The following JAK1 variants were observed in gnomAD, a reference collection of about 807,000 sequenced individuals.
JAK1 encodes Janus kinase 1.
A neutral mutation model predicts 136.6 loss-of-function variants in JAK1; 16 were observed. The ratio of observed to expected loss-of-function variants is 0.12; its 90% CI spans 0.08 to 0.18. The LOEUF (loss-of-function observed/expected upper bound fraction) is 0.18. Among genes scored for constraint, JAK1 ranks in the 10% least tolerant of loss-of-function variants. The pLI is 1.00. For missense variants in JAK1, 859 were observed against 1,450.1 expected (o/e 0.59, Z 6.62); for synonymous variants, 492 against 519.5 (o/e 0.95, Z 0.72).
chr1:64,911,696 T>C (rs1239910665), intron 1 of JAK1, among the ~76,000 whole-genome samples: 2 of 152,226 alleles, frequency 1.3e-5, no homozygotes, highest in Non-Finnish European at 2.9e-5. Context: ...AAGTTCTTTC[T>C]CCTTTCCAGT....
chr1:65,054,630 G>A (rs543008558), intron 1 of JAK1, among the ~76,000 whole-genome samples: 3 of 152,260 alleles, frequency 2.0e-5, no homozygotes, highest in East Asian at 1.9e-4. Flanking sequence ...CTCCAAAGAC[G>A]TGGGCAGTTG....
intron 1 of JAK1, among the ~76,000 whole-genome samples, chr1:64,965,076 G>T (rs948327792): frequency 1.3e-5 from 2 of 152,118 alleles, no homozygotes; most frequent in African/African-American, 4.8e-5. Flanking sequence ...AAAATCTACT[G>T]TGCCTATACC....
chr1:64,836,279 G>T (rs1219835076), intron 22 of JAK1, 64 bp from the exon 23 acceptor site: 1 of 909,980 alleles, frequency 1.1e-6, no homozygotes, highest in Non-Finnish European at 1.8e-6. Flanking sequence ...GACATTACAG[G>T]ATAACTGAAA....
intron 2 of JAK1, among the ~76,000 whole-genome samples, chr1:64,996,420 T>C (rs1286742301): frequency 6.6e-6 from 1 of 152,228 alleles, no homozygotes; most frequent in Non-Finnish European, 1.5e-5. Flanking sequence ...TTCCCCATAT[T>C]ATAGATACAG....
chr1:64,846,577 G>T, intron 14 of JAK1, 72 bp downstream of exon 14: 1 of 1,107,508 alleles, frequency 9.0e-7, no homozygotes, highest in Non-Finnish European at 1.4e-6. Flanking sequence ...GGTGGGAAGA[G>T]CCTCCACCAT....
rs543491678 is a variant in JAK1 at position 64,907,505 on chromosome 1, C to G, written c.-77-21164G>C. On this transcript the variant is annotated intron_variant, in intron 1 of 24. Transcript: ENST00000342505. ...TACAAATAAGATATGTTTGGACACA[C>G]AGCGGGGAACATCACACACTGGGGC... Among the ~76,000 whole-genome samples the G allele has an allele frequency of 2.6e-5, 4 of 152,178 alleles. No individual in the cohort carries two copies. In the East Asian group the frequency reaches 7.7e-4, roughly 29 times the overall value.
intron 1 of JAK1, among the ~76,000 whole-genome samples, chr1:64,919,645 T>G (rs1032849681): frequency 2.0e-5 from 3 of 152,212 alleles, no homozygotes; most frequent in African/African-American, 7.2e-5. Context: ...TGTAAAAGTG[T>G]TCCTATTTCT....
intron 4 of JAK1, chr1:64,876,129 T>C (rs912214911): frequency 6.6e-6 from 1 of 152,108 alleles, no homozygotes; most frequent in African/African-American, 2.4e-5. Flanking sequence ...GAAGAATCTC[T>C]GATGAGGTGC....
At chr1:64,981,272 A>G (rs1646542774) in intron 2 of JAK1, among the ~76,000 whole-genome samples, 1 of 152,230 alleles carries the variant, frequency 6.6e-6, no homozygotes, top group Non-Finnish European at 1.5e-5. Context: ...GAATTCACAC[A>G]GTATTTATTG....
At chr1:64,873,602 G>A (rs943792494) in intron 4 of JAK1, 79 bp from the exon 5 acceptor site, 76 of 1,543,252 alleles carry the variant, frequency 4.9e-5, no homozygotes, top group Non-Finnish European at 5.6e-5. Flanking sequence ...CACCAACAGT[G>A]GTCAGTGCCG....
At chr1:65,043,969 G>A (rs566116259) in intron 2 of JAK1, among the ~76,000 whole-genome samples, 128 of 152,070 alleles carry the variant, frequency 8.4e-4, no homozygotes, top group Middle Eastern at 6.8e-3. Flanking sequence ...TGATCCACCC[G>A]CCTTGGCCTC....
At chr1:64,959,068 C>T (rs1646239195) in intron 1 of JAK1, among the ~76,000 whole-genome samples, 1 of 152,172 alleles carries the variant, frequency 6.6e-6, no homozygotes, top group African/African-American at 2.4e-5. Flanking sequence ...TCTTGTCTTT[C>T]TCATTCTAGA....
intron 2 of JAK1, among the ~76,000 whole-genome samples, chr1:65,033,485 C>T (rs1321338382): frequency 6.6e-6 from 1 of 152,002 alleles, no homozygotes; most frequent in Non-Finnish European, 1.5e-5. Context: ...CCACACCTGG[C>T]CTCAACTCCT....
intron 1 of JAK1, chr1:64,941,848 T>C (rs181149384): frequency 6.6e-6 from 1 of 152,188 alleles, no homozygotes; most frequent in Non-Finnish European, 1.5e-5. Flanking sequence ...GACTTTCCAG[T>C]GTTCTCTAGG....
intron 2 of JAK1, among the ~76,000 whole-genome samples, chr1:65,031,062 G>A (rs909300842): frequency 6.6e-6 from 1 of 151,132 alleles, no homozygotes; most frequent in African/African-American, 2.4e-5. Flanking sequence ...GCTGAGGTGG[G>A]AGGATCAGTT....
rs373899872 is a variant in JAK1, at chr1:64,909,493, G to A, written c.-77-23152C>T. Among the ~76,000 whole-genome samples the A allele has an allele frequency of 1.4e-4, 21 of 151,954 alleles. No individual in the cohort carries two copies. The East Asian group carries it at 3.1e-3, about 22-fold the overall frequency. The stretch of plus-strand genomic sequence containing the variant: ...AGAAACAGAAAGAGATGGAGGGAGA[G>A]ACAGTGTCACAAGAATTATTCAGAG... On this transcript the variant is annotated intron_variant, in intron 1 of 24. Transcript: ENST00000342505.
chr1:64,976,449 G>C (rs888254285), intron 2 of JAK1, among the ~76,000 whole-genome samples: 1 of 152,188 alleles, frequency 6.6e-6, no homozygotes, highest in African/African-American at 2.4e-5. Context: ...CTCTGACCTT[G>C]TTGGTTATTA....
At chr1:65,041,870 C>G (rs61188615) in intron 2 of JAK1, among the ~76,000 whole-genome samples, 1 of 151,924 alleles carries the variant, frequency 6.6e-6, no homozygotes, top group Non-Finnish European at 1.5e-5. Flanking sequence ...AAAACCCCGT[C>G]TCTAGCAAAA....
chr1:64,976,861 C>T (rs1557738984), intron 2 of JAK1, among the ~76,000 whole-genome samples: 1 of 152,176 alleles, frequency 6.6e-6, no homozygotes, highest in Non-Finnish European at 1.5e-5. Context: ...CTAAGAGCCA[C>T]CCCACGATAA....
Sources: allele counts gnomAD v4.1 joint callset (sites outside exome capture counted in the v4.1 genomes callset), GRCh38; gene constraint gnomAD v4.1.1; transcripts MANE v1.5; gene names NCBI Gene and HGNC (gene_info 2026-07-23, HGNC 2026-07-21).